The following NCALD variants were observed in gnomAD, a reference collection of about 807,000 sequenced individuals.
NCALD encodes the protein neurocalcin delta.
A neutral mutation model predicts 18.6 loss-of-function variants in NCALD; 10 were observed. The ratio of observed to expected loss-of-function variants is 0.54; its 90% CI spans 0.33 to 0.91. The LOEUF is 0.91. Among genes scored for constraint, NCALD ranks in the 40% least tolerant of loss-of-function variants. The pLI, the probability that NCALD is intolerant of heterozygous loss-of-function variation, is 0.03. For missense variants in NCALD, 184 were observed against 247.6 expected (o/e 0.74, Z 1.72); for synonymous variants, 88 against 87.4 (o/e 1.01, Z -0.04).
intron 2 of NCALD, among the ~76,000 whole-genome samples, chr8:101,707,647 C>T (rs1188108280): frequency 2.0e-5 from 3 of 152,122 alleles, no homozygotes; most frequent in Non-Finnish European, 4.4e-5. Flanking sequence ...TTCACCTTGC[C>T]TTCATCAGAA....
At chr8:101,804,645 A>C (rs982980079) in intron 4 of NCALD, among the ~76,000 whole-genome samples, 67 of 134,362 alleles carry the variant, frequency 5.0e-4, no homozygotes, top group Non-Finnish European at 8.3e-4. Flanking sequence ...TAACTATTAT[A>C]TATTAGTATA....
rs184351154 is a variant in NCALD at position 101,748,856 on chromosome 8, G to A, written c.-19-29208C>T. ...ACAATCATAAAACTATGGGGATAAA[G>A]AGAAGCAGATCTGGAGAACAGAACC... is the stretch of plus-strand genomic sequence containing the variant. On this transcript the variant is annotated intron_variant, in intron 1 of 3. Coordinates refer to ENST00000220931, the MANE Select transcript of NCALD (RefSeq NM_032041.3). Among the ~76,000 whole-genome samples, 122 of 152,330 alleles carry A rather than the reference G, an allele frequency of 8.0e-4. 1 individual carries two copies. The highest frequency in any genetic ancestry group is 2.7e-3 in the African/African-American group (111 of 41,582).
rs139811019 is a variant in NCALD, at chr8:102,061,640, T to C, written c.-209-41351A>G. ...CTGATTCCCAATAGTCCTAAATTCA[T>C]AAAAATGAACTTTTGCAGTCATTTG... On this transcript the variant is annotated intron_variant, in intron 1 of 6. Coordinates refer to the NCALD transcript ENST00000311028. 2.0e-5 allele frequency among the ~76,000 whole-genome samples: 3 copies of C among 152,302 alleles called. No homozygotes were observed. The East Asian group carries it at 5.8e-4, about 29-fold the overall frequency.
intron 2 of NCALD, among the ~76,000 whole-genome samples, chr8:101,999,376 G>A (rs572894614): frequency 1.1e-3 from 164 of 152,260 alleles, no homozygotes; most frequent in African/African-American, 3.7e-3. Flanking sequence ...ACAGCAACCT[G>A]GATGGAATTG....
intron 4 of NCALD, among the ~76,000 whole-genome samples, chr8:101,813,825 T>C (rs927368925): frequency 1.3e-5 from 2 of 152,030 alleles, no homozygotes; most frequent in Non-Finnish European, 2.9e-5. Context: ...GAATTCATGG[T>C]GAAAATCTGT....
intron 1 of NCALD, among the ~76,000 whole-genome samples, chr8:102,100,994 A>T (rs1033907571): frequency 2.0e-5 from 3 of 152,220 alleles, no homozygotes; most frequent in African/African-American, 7.2e-5. Flanking sequence ...GTTGCACAAT[A>T]ATGTGAATGT....
intron 4 of NCALD, among the ~76,000 whole-genome samples, chr8:101,868,113 C>G (rs1425445550): frequency 6.6e-6 from 1 of 152,202 alleles, no homozygotes; most frequent in Non-Finnish European, 1.5e-5. Flanking sequence ...TTGACCACAG[C>G]CCACCTCCAG....
chr8:101,938,521 A>T (rs1818842688), intron 2 of NCALD, among the ~76,000 whole-genome samples: 2 of 152,230 alleles, frequency 1.3e-5, no homozygotes, highest in Non-Finnish European at 2.9e-5. Context: ...AAACAGCTAC[A>T]GTTTTCAGAT....
At chr8:101,918,594 A>G (rs1818053199) in intron 2 of NCALD, among the ~76,000 whole-genome samples, 1 of 152,068 alleles carries the variant, frequency 6.6e-6, no homozygotes, top group South Asian at 2.1e-4. Context: ...AACCCTAAAG[A>G]CTCTGTCCAA....
At chr8:102,108,930 G>T (rs1305858777) in intron 1 of NCALD, among the ~76,000 whole-genome samples, 1 of 152,186 alleles carries the variant, frequency 6.6e-6, no homozygotes, top group African/African-American at 2.4e-5. Context: ...TTGGAAAGCA[G>T]GAATAACCAT....
intron 4 of NCALD, among the ~76,000 whole-genome samples, chr8:101,886,493 C>A (rs1816679837): frequency 6.6e-6 from 1 of 152,176 alleles, no homozygotes; most frequent in Non-Finnish European, 1.5e-5. Flanking sequence ...TCGTCTGGGG[C>A]CATTAACTTA....
intron 4 of NCALD, among the ~76,000 whole-genome samples, chr8:101,799,121 C>T (rs1268610528): frequency 6.6e-6 from 1 of 151,972 alleles, no homozygotes; most frequent in East Asian, 1.9e-4. Context: ...CACAATCCAA[C>T]TAGAGAATAG....
intron 4 of NCALD, among the ~76,000 whole-genome samples, chr8:101,865,362 T>C (rs746147426): frequency 3.9e-5 from 6 of 152,204 alleles, no homozygotes; most frequent in East Asian, 1.9e-4. Flanking sequence ...AGGAGGGCTA[T>C]TGCTAGCCTC....
intron 1 of NCALD, among the ~76,000 whole-genome samples, chr8:101,767,874 G>A (rs568571444): frequency 6.6e-6 from 1 of 152,196 alleles, no homozygotes; most frequent in East Asian, 1.9e-4. Flanking sequence ...CCTGGTGTTT[G>A]TTCTCTGCAG....
At chr8:101,811,310 T>C (rs1344836043) in intron 4 of NCALD, among the ~76,000 whole-genome samples, 1 of 152,172 alleles carries the variant, frequency 6.6e-6, no homozygotes, top group African/African-American at 2.4e-5. Context: ...CTTGGACCAC[T>C]GCAGTTGGCT....
chr8:101,910,746 T>C (rs531748478), intron 3 of NCALD, among the ~76,000 whole-genome samples: 14 of 152,324 alleles, frequency 9.2e-5, no homozygotes, highest in African/African-American at 3.4e-4. Flanking sequence ...ACCAGATTTC[T>C]ATATTAAGGT....
At chr8:102,075,370 C>G (rs1196151705) in intron 1 of NCALD, among the ~76,000 whole-genome samples, 1 of 152,080 alleles carries the variant, frequency 6.6e-6, no homozygotes, top group African/African-American at 2.4e-5. Flanking sequence ...AGGTTCAGCT[C>G]TCATTGAAAT....
At chr8:101,706,394 C>CA (rs1386212165) in intron 2 of NCALD, among the ~76,000 whole-genome samples, 10 of 151,764 alleles carry the variant, frequency 6.6e-5, no homozygotes, top group African/African-American at 2.4e-4. Flanking sequence ...TGTACCAGTG[C>CA]AACATCTTAA....
At chr8:101,823,210 A>G (rs80173227) in intron 4 of NCALD, among the ~76,000 whole-genome samples, 6,387 of 152,330 alleles carry the variant, frequency 0.042, 443 homozygotes, top group African/African-American at 0.14. Context: ...TATCGTGAGC[A>G]TGTAGAATGT....
Sources: allele counts gnomAD v4.1 joint callset (sites outside exome capture counted in the v4.1 genomes callset), GRCh38; gene constraint gnomAD v4.1.1; transcripts MANE v1.5; gene names NCBI Gene and HGNC (gene_info 2026-07-23, HGNC 2026-07-21).